The following EYS variants were observed in gnomAD, a reference collection of about 807,000 sequenced individuals.
EYS encodes EGF-like photoreceptor maintenance factor.
In EYS, 250 loss-of-function variants were observed where a neutral mutation model predicts 282.1. The ratio of observed to expected loss-of-function variants is 0.89; its 90% CI spans 0.80 to 0.98. The LOEUF (loss-of-function observed/expected upper bound fraction) is 0.98. Ranked by LOEUF, EYS falls within the 50% of genes least tolerant of loss-of-function variation. The pLI, the probability that EYS is intolerant of heterozygous loss-of-function variation, is 0.00. For missense variants in EYS, 4,016 were observed against 3,709.0 expected, an observed-to-expected ratio of 1.08 and a Z score of -2.15; for synonymous variants, 1,355 against 1,282.9, an observed-to-expected ratio of 1.06 and a Z score of -1.20.
chr6:65,280,279 G>T (rs1397094117), intron 12 of EYS, among the ~76,000 whole-genome samples: 1 of 151,990 alleles, frequency 6.6e-6, no homozygotes, highest in Non-Finnish European at 1.5e-5. Context: ...TTCTGCCATC[G>T]ACGCCACCTC....
intron 13 of EYS, among the ~76,000 whole-genome samples, chr6:65,000,845 C>T (rs1430447112): frequency 3.3e-5 from 5 of 152,224 alleles, no homozygotes; most frequent in Admixed American, 3.3e-4. Flanking sequence ...TTTACAGACT[C>T]ACACACAAAC....
intron 2 of EYS, among the ~76,000 whole-genome samples, chr6:65,589,561 A>T (rs1765163935): frequency 6.6e-6 from 1 of 151,722 alleles, no homozygotes; most frequent in Non-Finnish European, 1.5e-5. Context: ...CACGTAGCAA[A>T]TTTTTTCAAA....
chr6:64,330,673 C>T (rs867300832), intron 29 of EYS, among the ~76,000 whole-genome samples: 1 of 152,154 alleles, frequency 6.6e-6, no homozygotes, highest in Non-Finnish European at 1.5e-5. Flanking sequence ...GCCCTGTTAG[C>T]GCAAGATGCT....
chr6:64,039,080 C>G (rs1188126860), intron 33 of EYS, among the ~76,000 whole-genome samples: 1 of 152,198 alleles, frequency 6.6e-6, no homozygotes, highest in Admixed American at 6.5e-5. Flanking sequence ...GCTGGGATTA[C>G]AGGTGTGAGT....
At chr6:65,528,997 C>A (rs1767668471) in intron 2 of EYS, among the ~76,000 whole-genome samples, 1 of 152,050 alleles carries the variant, frequency 6.6e-6, no homozygotes, top group Non-Finnish European at 1.5e-5. Context: ...ATTAATTGCT[C>A]AAGAGGAGAT....
intron 5 of EYS, among the ~76,000 whole-genome samples, chr6:65,449,707 A>G (rs1452634885): frequency 6.6e-6 from 1 of 152,070 alleles, no homozygotes; most frequent in Non-Finnish European, 1.5e-5. Flanking sequence ...CCTTACGAAG[A>G]AAGGACCTTG....
intron 5 of EYS, among the ~76,000 whole-genome samples, chr6:65,481,358 T>C (rs1033446535): frequency 6.6e-6 from 1 of 152,204 alleles, no homozygotes; most frequent in Non-Finnish European, 1.5e-5. Context: ...GCTAAATTTA[T>C]GCTTTATTAA....
chr6:64,706,552 A>C (rs367840040), intron 22 of EYS, among the ~76,000 whole-genome samples: 52 of 152,274 alleles, frequency 3.4e-4, no homozygotes, highest in African/African-American at 1.2e-3. Context: ...AAATCTTCAC[A>C]ATCTATACAT....
At chr6:64,272,136 T>G (rs1482284417) in intron 30 of EYS, among the ~76,000 whole-genome samples, 1 of 152,190 alleles carries the variant, frequency 6.6e-6, no homozygotes, top group Non-Finnish European at 1.5e-5. Flanking sequence ...CCAAAAGATA[T>G]AGAAACCCAT....
At chr6:63,818,500 G>GC (rs1383246420) in intron 36 of EYS, among the ~76,000 whole-genome samples, 1 of 152,132 alleles carries the variant, frequency 6.6e-6, no homozygotes, top group Non-Finnish European at 1.5e-5. Context: ...CACCTTCAGT[G>GC]TTTTTTCAAT....
intron 11 of EYS, among the ~76,000 whole-genome samples, chr6:65,332,720 T>A (rs1769840698): frequency 6.6e-6 from 1 of 151,428 alleles, no homozygotes; most frequent in Non-Finnish European, 1.5e-5. Context: ...TTAATTTTGC[T>A]TTAAATATCT....
intron 26 of EYS, among the ~76,000 whole-genome samples, chr6:64,442,178 G>T (rs1561996853): frequency 6.6e-6 from 1 of 152,172 alleles, no homozygotes; most frequent in Non-Finnish European, 1.5e-5. Flanking sequence ...GTTGGGAAAT[G>T]GAGCAAAGGT....
chr6:64,767,369 T>C (rs2149983188), intron 22 of EYS, among the ~76,000 whole-genome samples: 1 of 152,250 alleles, frequency 6.6e-6, no homozygotes, highest in South Asian at 2.1e-4. Flanking sequence ...CTAAAACTTA[T>C]TCCTCTTTTC....
intron 12 of EYS, among the ~76,000 whole-genome samples, chr6:65,269,329 T>C (rs908210283): frequency 6.6e-6 from 1 of 152,176 alleles, no homozygotes; most frequent in Non-Finnish European, 1.5e-5. Flanking sequence ...AGATTCTAGA[T>C]ATCACAGTGA....
At chr6:64,857,957 T>C (rs183877689) in intron 19 of EYS, among the ~76,000 whole-genome samples, 1 of 152,252 alleles carries the variant, frequency 6.6e-6, no homozygotes, top group Admixed American at 6.5e-5. Flanking sequence ...TTGTTTTCTT[T>C]TGTTTGAGTT....
At chr6:65,418,471 C>T (rs575386422) in intron 5 of EYS, among the ~76,000 whole-genome samples, 7 of 152,064 alleles carry the variant, frequency 4.6e-5, no homozygotes, top group African/African-American at 1.7e-4. Flanking sequence ...GGAACCAAAC[C>T]AAATGCCCAT....
intron 28 of EYS, among the ~76,000 whole-genome samples, chr6:64,416,524 T>A (rs1276683496): frequency 6.6e-6 from 1 of 151,786 alleles, no homozygotes; most frequent in Non-Finnish European, 1.5e-5. Context: ...AGGTCTTTTT[T>A]TTTTTTTCTT....
In EYS at chr6:65,516,307, T is replaced by C. The variant is rs1430195545; in HGVS notation, c.-332-20314A>G. On this transcript the variant is annotated intron_variant, in intron 2 of 42. Transcript: ENST00000503581. Reference sequence around the variant, plus strand: ...CCAATATTTCTCATGGAAATCTGTCTAATTCTAAGAATTTAGGCCTGTGGC... The same window carrying C: ...CCAATATTTCTCATGGAAATCTGTCCAATTCTAAGAATTTAGGCCTGTGGC... Among the ~76,000 whole-genome samples the C allele has an allele frequency of 2.6e-5, 4 of 152,250 alleles. No individual in the cohort carries two copies. In the East Asian group the frequency reaches 7.7e-4, roughly 29 times the overall value.
intron 22 of EYS, among the ~76,000 whole-genome samples, chr6:64,707,124 CACACACAT>C (rs1333292856): frequency 1.9e-5 from 2 of 103,506 alleles, no homozygotes; most frequent in African/African-American, 3.3e-5. Flanking sequence ...CACACACACA[CACACACAT>C]ATATATATGT....
Sources: allele counts gnomAD v4.1 joint callset (sites outside exome capture counted in the v4.1 genomes callset), GRCh38; gene constraint gnomAD v4.1.1; transcripts MANE v1.5; gene names NCBI Gene and HGNC (gene_info 2026-07-23, HGNC 2026-07-21).